Variants in ADAMTS15 observed in about 807,000 individuals in gnomAD.
ADAMTS15 encodes the protein A disintegrin and metalloproteinase with thrombospondin motifs 15.
In ADAMTS15, 35 loss-of-function variants were observed where a neutral mutation model predicts 79.1. The observed-to-expected ratio is 0.44, with a 90% CI of 0.34 to 0.59. The LOEUF (loss-of-function observed/expected upper bound fraction) is 0.59, where lower values mean the gene tolerates loss of function less well. Ranked by LOEUF, ADAMTS15 falls within the 20% of genes least tolerant of loss-of-function variation. The pLI is 0.02. For missense variants in ADAMTS15, 1,324 were observed against 1,318.7 expected (o/e 1.00, Z -0.06); for synonymous variants, 616 against 567.3 (o/e 1.09, Z -1.22).
rs906164353 is a variant in ADAMTS15 at position 130,461,826 on chromosome 11, G to A, written c.1090+205G>A. Among the ~76,000 whole-genome samples, 28 of 152,188 alleles carry A rather than the reference G, an allele frequency of 1.8e-4. 1 individual carries two copies. Among genetic ancestry groups the A allele is most frequent in the Admixed American group, 1.5e-3 (23 of 15,280 alleles). On this transcript the variant is annotated intron_variant, in intron 2 of 7. Coordinates refer to ENST00000299164, the MANE Select transcript of ADAMTS15 (RefSeq NM_139055.4). ...CGTGGTTTGAGCCCCTTGGCAGAGT[G>A]TCTCAGCACTTAGGCACTGTGGGGA...
In ADAMTS15 at chr11:130,469,163, A is replaced by T. The variant is rs1010639233; in HGVS notation, c.1543-99A>T. On this transcript the variant is annotated intron_variant, in intron 4 of 7. Coordinates refer to ENST00000299164, the MANE Select transcript of ADAMTS15 (RefSeq NM_139055.4). ...ATTAATTTCATTCCAGGAAGGTGGG[A>T]TGAGAACTTGGAGGCTGTACAGTGT... is the stretch of plus-strand genomic sequence containing the variant. The T allele has an allele frequency of 8.0e-6, 9 of 1,121,544 alleles. No homozygotes were observed. In the African/African-American group the frequency reaches 1.4e-4, roughly 18 times the overall value. The allele number at this position is 1,121,544 out of a possible 1,614,324, so 69.5% of individuals were successfully genotyped here.
intron 5 of ADAMTS15, among the ~76,000 whole-genome samples, chr11:130,470,160 A>ATATATATATATATATATATG (rs1565397672): frequency 1.7e-5 from 1 of 57,314 alleles, no homozygotes; most frequent in Non-Finnish European, 3.3e-5. Flanking sequence ...ATGTGTATAT[A>ATATATATATATATATATATG]TATATATATA....
chr11:130,471,324 GGT>G lies in ADAMTS15; in HGVS notation c.2025_2026del (p.Cys675TrpfsTer5), dbSNP rs776857193. ...GSKKRFDKCG[V>X]CGGDNKSCKK... ...CCAAGAAGAGATTCGACAAGTGTGG[GGT>G]GTGTGGGGGAGACAATAAGAGCTGC... On this transcript the variant is annotated frameshift_variant, in exon 7 of 8. Transcript: ENST00000299164. LOFTEE classifies it high-confidence loss of function. The G allele has an allele frequency of 1.9e-6, 3 of 1,612,586 alleles. No individual in the cohort carries two copies. The highest frequency in any genetic ancestry group is 1.3e-5 in the African/African-American group (1 of 74,748).
chr11:130,451,002 G>T (rs192075996), intron 1 of ADAMTS15, among the ~76,000 whole-genome samples: 1 of 152,322 alleles, frequency 6.6e-6, no homozygotes, highest in African/African-American at 2.4e-5. Flanking sequence ...CTATGTCAAA[G>T]AAGCTACAAA....
In ADAMTS15 at chr11:130,460,381, A is replaced by T. The variant is rs565457104; in HGVS notation, c.958-1108A>T. 4.6e-5 allele frequency among the ~76,000 whole-genome samples: 7 copies of T among 151,208 alleles called. No homozygotes were observed. The South Asian group carries it at 1.5e-3, about 32-fold the overall frequency. The stretch of plus-strand genomic sequence containing the variant: ...AACCTCTGCCTCCCAGGTTCAAGCG[A>T]TTCTCCTGCCTCAGCCTCCCTAGTA... On this transcript the variant is annotated intron_variant, in intron 1 of 7. Transcript: ENST00000299164.
chr11:130,473,913 G>A lies in ADAMTS15; in HGVS notation c.*92G>A, dbSNP rs1938523278. ...GTAGCGGGCAGAGGACGGTGGCCAG[G>A]GGCTCACGCCACGATGTCACCCACA... On this transcript the variant is annotated 3_prime_UTR_variant, in exon 8 of 8. Coordinates refer to ENST00000299164, the MANE Select transcript of ADAMTS15 (RefSeq NM_139055.4). 3.6e-5 allele frequency: 52 copies of A among 1,439,474 alleles called. No individual in the cohort carries two copies. Among genetic ancestry groups the A allele is most frequent in the South Asian group, 8.4e-5 (6 of 71,310 alleles). 89.2% of individuals were successfully genotyped at this position (1,439,474 alleles called of 1,614,324 possible).
At chr11:130,461,211 C>G (rs1938191894) in intron 1 of ADAMTS15, among the ~76,000 whole-genome samples, 1 of 152,230 alleles carries the variant, frequency 6.6e-6, no homozygotes, top group Admixed American at 6.5e-5. Flanking sequence ...TTTGTACCTC[C>G]TAATTTCCTC....
rs771192261 is a variant in ADAMTS15, at chr11:130,469,396, G to A, written c.1677G>A (p.Arg559=). The A allele has an allele frequency of 1.5e-6, 2 of 1,349,850 alleles. No individual in the cohort carries two copies. Among genetic ancestry groups the A allele is most frequent in the South Asian group, 4.7e-5 (2 of 42,702 alleles). 83.6% of individuals were successfully genotyped at this position (1,349,850 alleles called of 1,614,324 possible). A position where few individuals can be genotyped will look rare whatever the true frequency, so the allele number is the denominator to read the frequency against. ...GGGGCAAGTACTGCGAGGGAGTGAG[G>A]GTGAAATACCGATCCTGCAATCTGG... is the stretch of plus-strand genomic sequence containing the variant. ...ANGGKYCEGV[R]VKYRSCNLEP... The change falls in exon 5 of 8, where the codon AGG becomes AGA. Residue 559 remains arginine, a synonymous_variant. Coordinates refer to ENST00000299164, the MANE Select transcript of ADAMTS15 (RefSeq NM_139055.4).
At chr11:130,458,850 C>A (rs1350331909) in intron 1 of ADAMTS15, among the ~76,000 whole-genome samples, 1 of 152,020 alleles carries the variant, frequency 6.6e-6, no homozygotes, top group Non-Finnish European at 1.5e-5. Context: ...GAGCTCCAGC[C>A]TTGCTGGGTC....
In ADAMTS15 at chr11:130,470,142, A is replaced by ATATG. The variant is rs1565397555; in HGVS notation, c.1720+706_1720+707insGTAT. On this transcript the variant is annotated intron_variant, in intron 5 of 7. Transcript: ENST00000299164. ...ATCATATATATATATACATATATAT[A>ATATG]TATATATATGTGTATATATATATAT... Among the ~76,000 whole-genome samples the ATATG allele has an allele frequency of 9.5e-5, 6 of 63,436 alleles. No homozygotes were observed. In the South Asian group the frequency reaches 2.2e-3, roughly 23 times the overall value. 41.6% of individuals were successfully genotyped at this position (63,436 alleles called of 152,430 possible).
At position 130,473,230 on chromosome 11, in the gene ADAMTS15, C is replaced by G; in HGVS notation, c.2262C>G (p.Gly754=). 2 of 1,613,774 alleles carry G rather than the reference C, an allele frequency of 1.2e-6. No individual in the cohort carries two copies. The highest frequency in any genetic ancestry group is 1.7e-6 in the Non-Finnish European group (2 of 1,180,034). ...SAVERDLVVK[G]SLLRYSGTGT... ...TGGAGCGGGACCTGGTGGTGAAGGGCAGTCTGCTGCGGTACAGCGGCACGG... is the reference window on the plus strand; with the variant it reads ...TGGAGCGGGACCTGGTGGTGAAGGGGAGTCTGCTGCGGTACAGCGGCACGG... Residue 754 remains glycine, a synonymous_variant, in exon 8 of 8, where the codon GGC becomes GGG. Coordinates refer to ENST00000299164, the MANE Select transcript of ADAMTS15 (RefSeq NM_139055.4).
At chr11:130,460,733 G>A (rs1302342237) in intron 1 of ADAMTS15, among the ~76,000 whole-genome samples, 1 of 152,128 alleles carries the variant, frequency 6.6e-6, no homozygotes, top group Non-Finnish European at 1.5e-5. Context: ...GCCTTTCTGC[G>A]TCCCCTGGGA....
At chr11:130,471,134 G>T in intron 6 of ADAMTS15, 33 bp downstream of exon 6, 2 of 1,599,470 alleles carry the variant, frequency 1.3e-6, no homozygotes, top group Non-Finnish European at 1.7e-6. Flanking sequence ...AACAAAGTAG[G>T]GACCAGGTCT....
At chr11:130,468,677 A>G (rs1938355215) in intron 4 of ADAMTS15, among the ~76,000 whole-genome samples, 1 of 150,166 alleles carries the variant, frequency 6.7e-6, no homozygotes, top group Non-Finnish European at 1.5e-5. Context: ...AGGCAGGAGA[A>G]TGGCGTGAAC....
chr11:130,459,162 C>T (rs1046972641), intron 1 of ADAMTS15, among the ~76,000 whole-genome samples: 5 of 151,192 alleles, frequency 3.3e-5, no homozygotes, highest in Non-Finnish European at 5.9e-5. Flanking sequence ...CCTCCTCCTA[C>T]CAGCCTGGCC....
chr11:130,469,195 C>T, intron 4 of ADAMTS15, 67 bp from the exon 5 acceptor site: 1 of 1,328,668 alleles, frequency 7.5e-7, no homozygotes, highest in East Asian at 2.8e-5. Context: ...GTGTAGTTTT[C>T]TATGGGCTGA....
At position 130,474,030 on chromosome 11, in the gene ADAMTS15, C is replaced by T; in HGVS notation, c.*209C>T. 1 of 652,288 alleles carries T rather than the reference C, an allele frequency of 1.5e-6. No homozygotes were observed. The allele number at this position is 652,288 out of a possible 1,614,324, so 40.4% of individuals were successfully genotyped here. On this transcript the variant is annotated 3_prime_UTR_variant, in exon 8 of 8. Transcript: ENST00000299164. ...AGCCCAGGAACTCCCGCACAGTCTA[C>T]CTCAGGCCCCGCTCCTCGGGCCGGT...
chr11:130,470,131 TAC>T (rs372378417), intron 5 of ADAMTS15, among the ~76,000 whole-genome samples: 1,271 of 87,086 alleles, frequency 0.015, 33 homozygotes, highest in African/African-American at 0.019. Flanking sequence ...TATATATATA[TAC>T]ATATATATAT....
chr11:130,449,910 G>T lies in ADAMTS15; in HGVS notation c.937G>T (p.Ala313Ser), dbSNP rs372398084. 13 of 1,599,612 alleles carry T rather than the reference G, an allele frequency of 8.1e-6. No homozygotes were observed. The highest frequency in any genetic ancestry group is 1.0e-5 in the Non-Finnish European group (12 of 1,179,568). Reference sequence around the variant, plus strand: ...CAAGCACCCCGAGTACTGGGACACTGCCATCCTCTTCACCAGGCAGGTGAG... The same window carrying T: ...CAAGCACCCCGAGTACTGGGACACTTCCATCCTCTTCACCAGGCAGGTGAG... ...SDKHPEYWDTAILFTRQDLCG... is the reference protein window; with the variant it reads ...SDKHPEYWDTSILFTRQDLCG... The change falls in exon 1 of 8, where the codon GCC becomes TCC. Residue 313 changes from alanine to serine, a missense_variant. Physicochemically the swap from Ala to Ser is moderately conservative, Grantham distance 99. Coordinates refer to ENST00000299164, the MANE Select transcript of ADAMTS15 (RefSeq NM_139055.4). The surrounding 1 kb of genome is among the most constrained non-coding windows in gnomAD (Gnocchi z 7.8).
Sources: allele counts gnomAD v4.1 joint callset (sites outside exome capture counted in the v4.1 genomes callset), GRCh38; gene constraint gnomAD v4.1.1; non-coding constraint Gnocchi (gnomAD v3.1); transcripts MANE v1.5; gene names NCBI Gene and HGNC (gene_info 2026-07-23, HGNC 2026-07-21).